The following FARSB variants were observed in gnomAD, a reference collection of about 807,000 sequenced individuals.
FARSB encodes the protein phenylalanyl-tRNA synthetase subunit beta.
FARSB carries 40 observed loss-of-function variants against 69.6 expected under a neutral mutation model. That is an observed-to-expected ratio of 0.57 (90% CI 0.45 to 0.75). FARSB has a LOEUF of 0.75. Ranked by LOEUF, FARSB falls within the 30% of genes least tolerant of loss-of-function variation. FARSB has a pLI of 0.00. For missense variants in FARSB, 632 were observed against 722.9 expected (o/e 0.87, Z 1.44); for synonymous variants, 235 against 247.2 (o/e 0.95, Z 0.46).
At chr2:222,640,068 A>C (rs530337816) in intron 4 of FARSB, among the ~76,000 whole-genome samples, 2 of 152,378 alleles carry the variant, frequency 1.3e-5, no homozygotes, top group East Asian at 3.9e-4. Flanking sequence ...ATTATCCAAA[A>C]TTATTTATGG....
At chr2:222,625,179 G>A in intron 10 of FARSB, among the ~76,000 whole-genome samples, 1 of 152,122 alleles carries the variant, frequency 6.6e-6, no homozygotes, top group East Asian at 1.9e-4. Flanking sequence ...CAATATCACA[G>A]TGTCCATCAT....
chr2:222,591,839 A>G (rs77944990), intron 16 of FARSB, among the ~76,000 whole-genome samples: 2 of 152,220 alleles, frequency 1.3e-5, no homozygotes, highest in African/African-American at 4.8e-5. Flanking sequence ...ACCAGTAATA[A>G]CCTTAAAGGC....
intron 14 of FARSB, among the ~76,000 whole-genome samples, chr2:222,616,331 G>A (rs915494880): frequency 5.2e-4 from 79 of 152,108 alleles, no homozygotes; most frequent in African/African-American, 1.8e-3. Flanking sequence ...GGCGGATCAC[G>A]AGGTCAGGAG....
intron 15 of FARSB, among the ~76,000 whole-genome samples, chr2:222,604,693 G>A (rs1690654409): frequency 6.7e-6 from 1 of 148,672 alleles, no homozygotes. Context: ...GTAGCTGGGA[G>A]TACAAGCACA....
chr2:222,600,835 G>A (rs1477772087), intron 15 of FARSB, among the ~76,000 whole-genome samples: 1 of 152,106 alleles, frequency 6.6e-6, no homozygotes, highest in East Asian at 1.9e-4. Flanking sequence ...TAGGATACTG[G>A]CAATGTTCCA....
At chr2:222,610,975 T>A (rs1478222056) in intron 15 of FARSB, among the ~76,000 whole-genome samples, 1 of 152,186 alleles carries the variant, frequency 6.6e-6, no homozygotes, top group East Asian at 1.9e-4. Context: ...GTCCTCTATG[T>A]ACAGCAGATG....
chr2:222,642,016 T>G (rs1030238253), intron 3 of FARSB, among the ~76,000 whole-genome samples: 5 of 151,594 alleles, frequency 3.3e-5, no homozygotes, highest in African/African-American at 1.2e-4. Context: ...TTTTTTTTTT[T>G]TTGAAACAGA....
chr2:222,590,542 T>G (rs1349661910), intron 16 of FARSB, among the ~76,000 whole-genome samples: 1 of 141,914 alleles, frequency 7.0e-6, no homozygotes, highest in Non-Finnish European at 1.6e-5. Flanking sequence ...TCCTACCCTT[T>G]TAGGCCAAAA....
At chr2:222,609,653 T>C (rs1374228687) in intron 15 of FARSB, among the ~76,000 whole-genome samples, 1 of 152,222 alleles carries the variant, frequency 6.6e-6, no homozygotes, top group Non-Finnish European at 1.5e-5. Flanking sequence ...AGAACCTGAA[T>C]GTGTCTGATT....
chr2:222,595,354 T>A (rs537962337), intron 16 of FARSB, among the ~76,000 whole-genome samples: 3 of 152,188 alleles, frequency 2.0e-5, no homozygotes, highest in Non-Finnish European at 2.9e-5. Context: ...CATCACAATT[T>A]CACCCATATT....
chr2:222,614,969 T>C (rs1224035633), intron 14 of FARSB, among the ~76,000 whole-genome samples: 4 of 152,176 alleles, frequency 2.6e-5, no homozygotes, highest in African/African-American at 4.8e-5. Context: ...CTAAAAAATA[T>C]ATACAGCTGC....
At chr2:222,608,416 C>T (rs948026079) in intron 15 of FARSB, among the ~76,000 whole-genome samples, 15 of 151,998 alleles carry the variant, frequency 9.9e-5, no homozygotes, top group Admixed American at 3.3e-4. Context: ...AAGATCTGAC[C>T]GCTATATTTT....
At chr2:222,583,654 G>C (rs573259798) in intron 16 of FARSB, among the ~76,000 whole-genome samples, 108 of 152,240 alleles carry the variant, frequency 7.1e-4, no homozygotes, top group African/African-American at 2.4e-3. Context: ...GTGACTCTTT[G>C]CTATTGATAT....
chr2:222,593,639 C>T (rs960229616), intron 16 of FARSB, among the ~76,000 whole-genome samples: 1 of 149,968 alleles, frequency 6.7e-6, no homozygotes, highest in Non-Finnish European at 1.5e-5. Flanking sequence ...GCAGGAAGAT[C>T]ACTTGAGGCC....
intron 16 of FARSB, among the ~76,000 whole-genome samples, chr2:222,585,592 CT>C (rs1690091939): frequency 6.6e-6 from 1 of 152,174 alleles, no homozygotes; most frequent in African/African-American, 2.4e-5. Context: ...AAGGAGGATG[CT>C]CGAACACATC....
chr2:222,596,957 T>A (rs1314537181), intron 16 of FARSB, among the ~76,000 whole-genome samples: 1 of 152,200 alleles, frequency 6.6e-6, no homozygotes, highest in Non-Finnish European at 1.5e-5. Flanking sequence ...TGCCATTAGA[T>A]AATCAAAACA....
At chr2:222,643,096 C>A in intron 2 of FARSB, 91 bp from the exon 3 acceptor site, 1 of 601,220 alleles carries the variant, frequency 1.7e-6, no homozygotes, top group Non-Finnish European at 2.8e-6. Context: ...GCAGTAACTA[C>A]ATTATACATA....
chr2:222,586,669 C>T (rs1690121126), intron 16 of FARSB, among the ~76,000 whole-genome samples: 1 of 151,868 alleles, frequency 6.6e-6, no homozygotes, highest in South Asian at 2.1e-4. Flanking sequence ...GGAAGATCTA[C>T]CAAGCAAATG....
intron 16 of FARSB, among the ~76,000 whole-genome samples, chr2:222,598,217 G>A (rs1249422582): frequency 6.6e-6 from 1 of 152,182 alleles, no homozygotes; most frequent in Admixed American, 6.5e-5. Context: ...GGTATGTGGT[G>A]GTCTTTTCCC....
Sources: allele counts gnomAD v4.1 joint callset (sites outside exome capture counted in the v4.1 genomes callset), GRCh38; gene constraint gnomAD v4.1.1; transcripts MANE v1.5; gene names NCBI Gene and HGNC (gene_info 2026-07-23, HGNC 2026-07-21).